LCOR: variants seen among roughly 807,000 people sequenced by gnomAD.
LCOR encodes the protein ligand-dependent corepressor.
Under a neutral mutation model 64.4 loss-of-function variants are expected in LCOR, and 14 were observed. The ratio of observed to expected loss-of-function variants is 0.22; its 90% CI spans 0.14 to 0.34. LCOR has a LOEUF of 0.34. LCOR is among the 10% of genes least tolerant of loss of function. LCOR has a pLI of 1.00. For synonymous variants in LCOR, 643 were observed against 642.5 expected, an observed-to-expected ratio of 1.00 and a Z score of -0.01; for missense variants, 1,686 against 1,765.3, an observed-to-expected ratio of 0.96 and a Z score of 0.80.
At chr10:96,841,663 G>T (rs569780643) in intron 2 of LCOR, among the ~76,000 whole-genome samples, 1 of 151,788 alleles carries the variant, frequency 6.6e-6, no homozygotes, top group South Asian at 2.1e-4. Flanking sequence ...GCCTGGCCAA[G>T]ACTTTCTTTT....
intron 7 of LCOR, among the ~76,000 whole-genome samples, chr10:96,953,611 A>T (rs772279698): frequency 1.3e-5 from 2 of 152,354 alleles, no homozygotes; most frequent in Middle Eastern, 3.4e-3. Flanking sequence ...CACCTGTAGA[A>T]GTCCATGTGC....
rs1170403925 is a variant in LCOR, at chr10:96,833,163, G to GT, written c.-403-242dup. 4 of 985,368 alleles carry GT rather than the reference G, an allele frequency of 4.1e-6. No homozygotes were observed. In the African/African-American group the frequency reaches 5.2e-5, roughly 13 times the overall value. The allele number at this position is 985,368 out of a possible 1,614,324, so 61.0% of individuals were successfully genotyped here. ...CGGTGTCGTGCTGCGGGAGGAGGGG[G>GT]TGGGACCGGGTCCGACCGAGGAGCC... On this transcript the variant is annotated intron_variant, in intron 1 of 7. Transcript: ENST00000421806.
chr10:96,850,463 G>A (rs1048213962), intron 2 of LCOR, among the ~76,000 whole-genome samples: 1 of 152,164 alleles, frequency 6.6e-6, no homozygotes, highest in African/African-American at 2.4e-5. Context: ...AGAAATTTAA[G>A]AAGAGATATG....
chr10:96,855,288 C>G (rs1009725066), intron 2 of LCOR, among the ~76,000 whole-genome samples: 4 of 152,116 alleles, frequency 2.6e-5, no homozygotes, highest in Non-Finnish European at 4.4e-5. Context: ...AGAATTATTT[C>G]TGTGTACTTG....
At chr10:96,874,142 ACT>A (rs879647370) in intron 2 of LCOR, among the ~76,000 whole-genome samples, 4 of 152,088 alleles carry the variant, frequency 2.6e-5, no homozygotes, top group African/African-American at 4.8e-5. Flanking sequence ...GTGCTATAAA[ACT>A]CTATTAGATA....
chr10:96,862,458 G>C (rs1845903329), intron 2 of LCOR, among the ~76,000 whole-genome samples: 1 of 152,034 alleles, frequency 6.6e-6, no homozygotes, highest in African/African-American at 2.4e-5. Context: ...AAGAGATGGG[G>C]TTTCACCATA....
At chr10:96,897,772 A>T (rs553334807) in intron 2 of LCOR, among the ~76,000 whole-genome samples, 1 of 152,086 alleles carries the variant, frequency 6.6e-6, no homozygotes, top group Non-Finnish European at 1.5e-5. Flanking sequence ...GGCCAGCAAA[A>T]GCTGTTTGTG....
intron 2 of LCOR, among the ~76,000 whole-genome samples, chr10:96,874,320 G>C (rs1202068430): frequency 6.6e-6 from 1 of 152,130 alleles, no homozygotes; most frequent in African/African-American, 2.4e-5. Flanking sequence ...TATATTGCCA[G>C]TGTAGTTTTT....
chr10:96,929,729 C>T (rs1183535225), intron 4 of LCOR, among the ~76,000 whole-genome samples: 1 of 152,208 alleles, frequency 6.6e-6, no homozygotes, highest in Non-Finnish European at 1.5e-5. Flanking sequence ...GCATGCCTTC[C>T]TCACTAAGCT....
At chr10:96,872,635 A>C (rs768531259) in intron 2 of LCOR, among the ~76,000 whole-genome samples, 7 of 152,136 alleles carry the variant, frequency 4.6e-5, no homozygotes, top group Non-Finnish European at 1.0e-4. Context: ...CAGTGAGTTG[A>C]GATCACACCA....
intron 2 of LCOR, among the ~76,000 whole-genome samples, chr10:96,879,661 T>A (rs1294250608): frequency 6.6e-6 from 1 of 152,130 alleles, no homozygotes; most frequent in Non-Finnish European, 1.5e-5. Flanking sequence ...TTTTGTTTTG[T>A]TTTGTGTTTT....
In LCOR at chr10:96,952,281, A is replaced by G; in HGVS notation, c.332+85A>G. 2 of 876,184 alleles carry G rather than the reference A, an allele frequency of 2.3e-6. 1 individual carries two copies. Among genetic ancestry groups the G allele is most frequent in the Non-Finnish European group, 3.7e-6 (2 of 542,304 alleles). The allele number at this position is 876,184 out of a possible 1,614,324, so 54.3% of individuals were successfully genotyped here. A position where few individuals can be genotyped will look rare whatever the true frequency, so the allele number is the denominator to read the frequency against. ...TGCCAGTCTCCCTTTTACATTTTAA[A>G]AAATAACCCTTCTAAGTAAGTCATT... On this transcript the variant is annotated intron_variant, in intron 7 of 7. Transcript: ENST00000421806.
intron 2 of LCOR, among the ~76,000 whole-genome samples, chr10:96,857,022 A>T (rs1005681935): frequency 5.3e-5 from 8 of 151,620 alleles, no homozygotes; most frequent in African/African-American, 1.9e-4. Context: ...CCATTCTCTT[A>T]CTCTTTTTTT....
intron 2 of LCOR, among the ~76,000 whole-genome samples, chr10:96,904,125 A>G (rs1180715027): frequency 2.0e-5 from 3 of 152,218 alleles, no homozygotes; most frequent in Non-Finnish European, 4.4e-5. Context: ...GGCAGGTAAC[A>G]TGGCAGCTCA....
At position 96,982,687 on chromosome 10, in the gene LCOR, G is replaced by A. The variant is rs1273600896; in HGVS notation, c.2227G>A (p.Val743Ile). 1 of 1,614,130 alleles carries A rather than the reference G, an allele frequency of 6.2e-7. No individual in the cohort carries two copies. Among genetic ancestry groups the A allele is most frequent in the South Asian group, 1.1e-5 (1 of 91,088 alleles). The change falls in exon 8 of 8, where the codon GTC becomes ATC. Residue 743 changes from valine to isoleucine, a missense_variant. Transcript: ENST00000421806. Reference sequence around the variant, plus strand: ...GTCTGGAGACACCCAGGAGCTAAATGTCGACCCACTCTTGAAGGAAAGCAG... The same window carrying A: ...GTCTGGAGACACCCAGGAGCTAAATATCGACCCACTCTTGAAGGAAAGCAG... ...VESGDTQELN[V>I]DPLLKESSTF...
chr10:96,979,504 G>A (rs1233717307), intron 7 of LCOR, among the ~76,000 whole-genome samples: 2 of 152,192 alleles, frequency 1.3e-5, no homozygotes, highest in East Asian at 1.9e-4. Flanking sequence ...TAAGCTCTAA[G>A]GATTTGTCCT....
Position 96,848,319 on chromosome 10 carries a change from AC to A in LCOR, c.-330+14841del, listed in dbSNP as rs1459339593. Among the ~76,000 whole-genome samples the A allele has an allele frequency of 3.3e-5, 5 of 152,344 alleles. No individual in the cohort carries two copies. The East Asian group carries it at 7.7e-4, about 24-fold the overall frequency. ...AAGCAATGACATAGTGATAACTGTT[AC>A]TGTTATATTTTGATTTTAGATTTTA... On this transcript the variant is annotated intron_variant, in intron 2 of 7. Coordinates refer to ENST00000421806, the MANE Select transcript of LCOR (RefSeq NM_001346516.2).
intron 2 of LCOR, among the ~76,000 whole-genome samples, chr10:96,874,284 A>G (rs1846127035): frequency 1.3e-5 from 2 of 152,160 alleles, no homozygotes; most frequent in Admixed American, 6.6e-5. Flanking sequence ...ATTCTTGCGT[A>G]ACTGTATTCC....
intron 2 of LCOR, among the ~76,000 whole-genome samples, chr10:96,891,332 A>G (rs149806030): frequency 2.0e-3 from 298 of 151,816 alleles, no homozygotes; most frequent in Middle Eastern, 3.4e-3. Flanking sequence ...TCCTGTTTCT[A>G]TAAGATTGTA....
Sources: gnomAD v4.1 joint callset for allele counts (sites outside exome capture counted in the v4.1 genomes callset) on GRCh38, gnomAD v4.1.1 for gene constraint, MANE v1.5 for transcripts, NCBI Gene and HGNC (gene_info 2026-07-23, HGNC 2026-07-21) for gene names.